The following OR1L8 variants were observed in gnomAD, a reference collection of about 807,000 sequenced individuals.
OR1L8 encodes the protein olfactory receptor 1L8.
For missense variants in OR1L8, 330 were observed against 377.4 expected (o/e 0.87, Z 1.04); for synonymous variants, 148 against 147.0 (o/e 1.01, Z -0.05).
At chr9:122,553,342 G>A in the OR1L8 span, 20 of 1,613,776 alleles carry the variant, frequency 1.2e-5, no homozygotes, top group Non-Finnish European at 1.7e-5. Flanking sequence ...ACCATGGTGG[G>A]GAACCTGCTC....
At chr9:122,570,652 G>A (rs796783999) in intron 4 of OR1L8, among the ~76,000 whole-genome samples, 11 of 152,226 alleles carry the variant, frequency 7.2e-5, no homozygotes, top group African/African-American at 2.6e-4. Flanking sequence ...CAGCGTCATC[G>A]TCCCTTATCT....
the OR1L8 span, chr9:122,553,721 T>C: frequency 4.3e-6 from 7 of 1,613,582 alleles, no homozygotes; most frequent in Non-Finnish European, 5.9e-6. Flanking sequence ...CCCGCGTGGC[T>C]TTCTGTGCCC....
chr9:122,568,510 G>A lies in OR1L8; in HGVS notation c.-33C>T. On this transcript the variant is annotated 5_prime_UTR_variant, in exon 5 of 5. Coordinates refer to ENST00000641027, the MANE Select transcript of OR1L8 (RefSeq NM_001004454.2). ...GGCTCAGTTATAAACAAGAAGTTTT[G>A]TCATTTAACATGCTCTGATTTCATA... is the stretch of plus-strand genomic sequence containing the variant. The A allele has an allele frequency of 7.7e-7, 1 of 1,292,932 alleles. No individual in the cohort carries two copies. Among genetic ancestry groups the A allele is most frequent in the Non-Finnish European group, 1.1e-6 (1 of 926,614 alleles). The allele number at this position is 1,292,932 out of a possible 1,614,324, so 80.1% of individuals were successfully genotyped here. A position where few individuals can be genotyped will look rare whatever the true frequency, so the allele number is the denominator to read the frequency against.
At chr9:122,558,311 C>CT in the OR1L8 span, among the ~76,000 whole-genome samples, 333 of 34,468 alleles carry the variant, frequency 9.7e-3, 69 homozygotes, top group South Asian at 0.027. Flanking sequence ...TTGGATTTTG[C>CT]TTTTTTTTTT....
downstream of OR1L8, among the ~76,000 whole-genome samples, chr9:122,566,120 G>C (rs1157656910): frequency 1.3e-5 from 2 of 152,168 alleles, no homozygotes; most frequent in Non-Finnish European, 2.9e-5. Context: ...TAAAAGATCT[G>C]AAAGAAAAGC....
intron 4 of OR1L8, among the ~76,000 whole-genome samples, chr9:122,571,096 C>T (rs1829539135): frequency 6.6e-6 from 1 of 152,088 alleles, no homozygotes; most frequent in South Asian, 2.1e-4. Context: ...ACAGAATTAC[C>T]CTCTTGCCAC....
At chr9:122,571,411 A>G (rs10120535) in intron 4 of OR1L8, among the ~76,000 whole-genome samples, 141,781 of 152,088 alleles carry the variant, frequency 0.93, 66,172 homozygotes, top group East Asian at 0.98. Context: ...TTAGCCAGGC[A>G]TGGTGGCGGG....
At chr9:122,567,022 A>T (rs934806377), downstream of OR1L8, 1 of 152,192 alleles carries the variant, frequency 6.6e-6, no homozygotes, top group African/African-American at 2.4e-5. Context: ...AAAAAAGTAA[A>T]AGCTTAAGAT....
downstream of OR1L8, among the ~76,000 whole-genome samples, chr9:122,562,700 C>T (rs1244560300): frequency 6.6e-6 from 1 of 152,172 alleles, no homozygotes; most frequent in Non-Finnish European, 1.5e-5. Context: ...GCAGGGTTCG[C>T]ATGCTGTTTT....
chr9:122,568,450 C>A lies in OR1L8; in HGVS notation c.28G>T (p.Val10Phe). 6.2e-7 allele frequency: 1 copy of A among 1,604,496 alleles called. No individual in the cohort carries two copies. The highest frequency in any genetic ancestry group is 1.1e-5 in the South Asian group (1 of 89,634). The change falls in exon 5 of 5, where the codon GTC becomes TTC. Residue 10 changes from valine (V) to phenylalanine (F), a missense_variant. Physicochemically the swap from Val to Phe is conservative, Grantham distance 50 (BLOSUM62 -1). Coordinates refer to ENST00000641027, the MANE Select transcript of OR1L8 (RefSeq NM_001004454.2). MERINHTSSVSEFILLGLSS... is the reference protein window; with the variant it reads MERINHTSSFSEFILLGLSS... ...AGTCCCAGGAGGATAAACTCGGAGA[C>A]ACTGCTGGTGTGGTTGATTCTTTCC... is the stretch of plus-strand genomic sequence containing the variant.
chr9:122,565,455 G>C (rs1829412799), downstream of OR1L8, among the ~76,000 whole-genome samples: 1 of 152,174 alleles, frequency 6.6e-6, no homozygotes. Flanking sequence ...ATGGCGGCAG[G>C]GATGGAGGTT....
intron 1 of OR1L8, among the ~76,000 whole-genome samples, chr9:122,578,989 C>T (rs1408861222): frequency 6.8e-5 from 8 of 116,892 alleles, no homozygotes; most frequent in Non-Finnish European, 1.5e-4. Context: ...TACCACTAAA[C>T]TTATTCATGT....
At chr9:122,565,968 G>T (rs763878675), downstream of OR1L8, among the ~76,000 whole-genome samples, 1 of 152,186 alleles carries the variant, frequency 6.6e-6, no homozygotes, top group South Asian at 2.1e-4. Context: ...CTAAGCAGTG[G>T]CAGCATAGCC....
the OR1L8 span, among the ~76,000 whole-genome samples, chr9:122,552,056 C>T: frequency 1.5e-5 from 2 of 134,888 alleles, no homozygotes; most frequent in African/African-American, 6.0e-5. Flanking sequence ...CACACACATA[C>T]ACTCTCTCTC....
chr9:122,553,157 T>C, the OR1L8 span: 1 of 1,572,966 alleles, frequency 6.4e-7, no homozygotes, highest in African/African-American at 1.4e-5. Flanking sequence ...ATCTAATAAA[T>C]AAATACTGAC....
chr9:122,547,620 A>AGTCTGT, the OR1L8 span, among the ~76,000 whole-genome samples: 1 of 142,902 alleles, frequency 7.0e-6, no homozygotes, highest in Non-Finnish European at 1.5e-5. Flanking sequence ...GTAGTAGTTC[A>AGTCTGT]GTGTGTGTGT....
At chr9:122,571,921 G>A (rs1167574404) in intron 4 of OR1L8, among the ~76,000 whole-genome samples, 1 of 152,020 alleles carries the variant, frequency 6.6e-6, no homozygotes, top group Non-Finnish European at 1.5e-5. Context: ...CTCCAAACTG[G>A]GTAATTTTTA....
intron 1 of OR1L8, among the ~76,000 whole-genome samples, chr9:122,582,945 TA>T (rs1182306772): frequency 6.6e-6 from 1 of 151,530 alleles, no homozygotes; most frequent in Non-Finnish European, 1.5e-5. Flanking sequence ...GAGAATTAAA[TA>T]AAAAATAGAG....
Position 122,568,142 on chromosome 9 carries a change from G to A in OR1L8, c.336C>T (p.Asp112=), listed in dbSNP as rs1209122790. ...AGGCCATGACTGCCAGAAGGCAGCT[G>A]TCACTGTTGCCCAAGGCATAGAGAA... is the stretch of plus-strand genomic sequence containing the variant. ...MYFLYALGNS[D]SCLLAVMAFD... The change falls in exon 5 of 5, where the codon GAC becomes GAT. Residue 112 remains aspartate, a synonymous_variant. Coordinates refer to ENST00000641027, the MANE Select transcript of OR1L8 (RefSeq NM_001004454.2). 1 of 1,614,154 alleles carries A rather than the reference G, an allele frequency of 6.2e-7. No individual in the cohort carries two copies. The highest frequency in any genetic ancestry group is 8.5e-7 in the Non-Finnish European group (1 of 1,180,016).
Sources: gnomAD v4.1 joint callset for allele counts (sites outside exome capture counted in the v4.1 genomes callset) on GRCh38, gnomAD v4.1.1 for gene constraint, MANE v1.5 for transcripts, NCBI Gene and HGNC (gene_info 2026-07-23, HGNC 2026-07-21) for gene names.